Variants in ARSB observed in about 807,000 individuals in gnomAD.
ARSB encodes N-acetylgalactosamine-4-sulfatase.
In ARSB, 41 loss-of-function variants were observed where a neutral mutation model predicts 50.9. The ratio of observed to expected loss-of-function variants is 0.81; its 90% CI spans 0.63 to 1.04. The LOEUF is 1.04. ARSB is among the 50% of genes least tolerant of loss of function. ARSB has a pLI of 0.00. For missense variants in ARSB, 672 were observed against 693.3 expected (o/e 0.97, Z 0.35); for synonymous variants, 269 against 284.8 (o/e 0.94, Z 0.56).
chr5:78,855,290 C>T (rs1487146466), intron 5 of ARSB, among the ~76,000 whole-genome samples: 5 of 152,192 alleles, frequency 3.3e-5, no homozygotes, highest in African/African-American at 1.2e-4. Flanking sequence ...CACCATTTCC[C>T]TAGGATGCAG....
At chr5:78,979,032 A>G (rs1043801415) in intron 1 of ARSB, among the ~76,000 whole-genome samples, 5 of 152,232 alleles carry the variant, frequency 3.3e-5, no homozygotes, top group African/African-American at 1.2e-4. Context: ...TCAGGAAAGT[A>G]AAAAGCAATC....
At chr5:78,900,711 G>A (rs1748763520) in intron 4 of ARSB, among the ~76,000 whole-genome samples, 1 of 152,178 alleles carries the variant, frequency 6.6e-6, no homozygotes, top group Middle Eastern at 3.4e-3. Flanking sequence ...TTGAAATCCT[G>A]CATTCCTTGA....
chr5:78,976,272 A>G (rs1019181310), intron 1 of ARSB, among the ~76,000 whole-genome samples: 1 of 145,796 alleles, frequency 6.9e-6, no homozygotes, highest in African/African-American at 2.5e-5. Flanking sequence ...TTTTAAAAAC[A>G]GGCTACTTTT....
chr5:78,893,869 TAAC>T (rs1242142043), intron 4 of ARSB, among the ~76,000 whole-genome samples: 1 of 152,248 alleles, frequency 6.6e-6, no homozygotes, highest in Non-Finnish European at 1.5e-5. Context: ...CTGTCCTTTT[TAAC>T]AACTAAAACC....
At chr5:78,921,973 G>T (rs1252958800) in intron 4 of ARSB, among the ~76,000 whole-genome samples, 1 of 152,118 alleles carries the variant, frequency 6.6e-6, no homozygotes, top group Non-Finnish European at 1.5e-5. Flanking sequence ...ACAGTGGAAA[G>T]CAACACCGGC....
At chr5:78,852,690 A>G (rs1745884168) in intron 5 of ARSB, among the ~76,000 whole-genome samples, 1 of 152,160 alleles carries the variant, frequency 6.6e-6, no homozygotes, top group Non-Finnish European at 1.5e-5. Context: ...ACTTTCAGGT[A>G]CACCAATCAG....
At position 78,795,669 on chromosome 5, in the gene ARSB, T is replaced by G. The variant is rs1239098209; in HGVS notation, c.1214-13695A>C. ...TTCTTACAACACGAAACAGGAGTGTTGGGAAAAATATGCCAGACATGAAGC... is the reference window on the plus strand; with the variant it reads ...TTCTTACAACACGAAACAGGAGTGTGGGGAAAAATATGCCAGACATGAAGC... On this transcript the variant is annotated intron_variant, in intron 6 of 7. Coordinates refer to ENST00000264914, the MANE Select transcript of ARSB (RefSeq NM_000046.5). Among the ~76,000 whole-genome samples, 3 of 152,314 alleles carry G rather than the reference T, an allele frequency of 2.0e-5. No individual in the cohort carries two copies. The East Asian group carries it at 5.8e-4, about 29-fold the overall frequency.
intron 4 of ARSB, among the ~76,000 whole-genome samples, chr5:78,886,244 C>T (rs1224424559): frequency 3.3e-5 from 5 of 152,184 alleles, no homozygotes; most frequent in African/African-American, 9.7e-5. Context: ...TGACTTAATG[C>T]TCCTTATAGG....
chr5:78,925,867 C>T (rs377556831), intron 4 of ARSB, among the ~76,000 whole-genome samples: 35 of 152,184 alleles, frequency 2.3e-4, no homozygotes, highest in African/African-American at 8.4e-4. Flanking sequence ...GAAGATAAAG[C>T]ATGCTCCAGA....
At chr5:78,854,477 T>C (rs1009925210) in intron 5 of ARSB, among the ~76,000 whole-genome samples, 1 of 152,244 alleles carries the variant, frequency 6.6e-6, no homozygotes, top group African/African-American at 2.4e-5. Context: ...TTAATTTCTT[T>C]ATTGACCCAT....
chr5:78,984,516 G>A (rs1303571752), intron 1 of ARSB, among the ~76,000 whole-genome samples: 2 of 152,154 alleles, frequency 1.3e-5, no homozygotes, highest in Admixed American at 1.3e-4. Context: ...CACGGGCCAG[G>A]GTCGCACCCA....
At chr5:78,908,342 A>AAATAAACAGAACAATCTGGAGC (rs1321453628) in intron 4 of ARSB, among the ~76,000 whole-genome samples, 7 of 152,218 alleles carry the variant, frequency 4.6e-5, no homozygotes, top group Non-Finnish European at 7.4e-5. Flanking sequence ...ATCTAACACA[A>AAATAAACAGAACAATCTGGAGC]AATAAACAGA....
chr5:78,878,830 A>G (rs1747606437), intron 5 of ARSB, among the ~76,000 whole-genome samples: 1 of 149,798 alleles, frequency 6.7e-6, no homozygotes, highest in South Asian at 2.2e-4. Context: ...TAAAAAAGAA[A>G]TTCCTATCAT....
intron 4 of ARSB, among the ~76,000 whole-genome samples, chr5:78,925,708 T>C (rs767686387): frequency 1.6e-4 from 25 of 152,340 alleles, no homozygotes; most frequent in Non-Finnish European, 2.8e-4. Context: ...ATACTATGAT[T>C]GCAGCACCTG....
chr5:78,798,451 T>A (rs1435280006), intron 6 of ARSB, among the ~76,000 whole-genome samples: 1 of 151,068 alleles, frequency 6.6e-6, no homozygotes, highest in Non-Finnish European at 1.5e-5. Context: ...ATTATGATGA[T>A]GAGCATGGCC....
At chr5:78,939,222 T>C (rs1283829235) in intron 4 of ARSB, among the ~76,000 whole-genome samples, 1 of 151,836 alleles carries the variant, frequency 6.6e-6, no homozygotes, top group African/African-American at 2.4e-5. Context: ...TACAAAACCA[T>C]CAGCTTTCCT....
intron 4 of ARSB, among the ~76,000 whole-genome samples, chr5:78,889,160 T>A (rs1371129675): frequency 6.6e-6 from 1 of 152,224 alleles, no homozygotes; most frequent in East Asian, 1.9e-4. Flanking sequence ...TAGTTCAGTC[T>A]CCTGGGTATT....
intron 4 of ARSB, among the ~76,000 whole-genome samples, chr5:78,923,105 G>A (rs1749901681): frequency 6.6e-6 from 1 of 152,194 alleles, no homozygotes; most frequent in Non-Finnish European, 1.5e-5. Context: ...AGGAGGGAAA[G>A]GCTGGGAGAG....
chr5:78,852,837 A>C (rs1745899969), intron 5 of ARSB, among the ~76,000 whole-genome samples: 1 of 152,100 alleles, frequency 6.6e-6, no homozygotes. Context: ...CCTTTCTTCC[A>C]GTTGATTGCA....
Sources: gnomAD v4.1 joint callset for allele counts (sites outside exome capture counted in the v4.1 genomes callset) on GRCh38, gnomAD v4.1.1 for gene constraint, MANE v1.5 for transcripts, NCBI Gene and HGNC (gene_info 2026-07-23, HGNC 2026-07-21) for gene names.